SYNRG: variants seen among roughly 807,000 people sequenced by gnomAD.
SYNRG encodes AP1 gamma subunit binding protein 1.
A neutral mutation model predicts 130.9 loss-of-function variants in SYNRG; 37 were observed. The observed-to-expected ratio is 0.28, with a 90% CI of 0.22 to 0.37. The LOEUF (loss-of-function observed/expected upper bound fraction) is 0.37, where lower values mean the gene tolerates loss of function less well. Ranked by LOEUF, SYNRG falls within the 10% of genes least tolerant of loss-of-function variation. The pLI is 1.00. For synonymous variants in SYNRG, 539 were observed against 568.1 expected (o/e 0.95, Z 0.73); for missense variants, 1,338 against 1,588.9 (o/e 0.84, Z 2.68).
chr17:37,607,955 CAAAAAAAAA>C (rs67822733), intron 1 of SYNRG, among the ~76,000 whole-genome samples: 20 of 51,128 alleles, frequency 3.9e-4, no homozygotes, highest in Non-Finnish European at 8.3e-4. Flanking sequence ...GACTTCCTCT[CAAAAAAAAA>C]AAAAAAAAAA....
intron 19 of SYNRG, among the ~76,000 whole-genome samples, chr17:37,529,359 C>G (rs2056342281): frequency 6.6e-6 from 1 of 151,980 alleles, no homozygotes. Context: ...AACAATCACA[C>G]CAGGGATTAT....
rs61748720 is a variant in SYNRG, at chr17:37,519,041, G to A, written c.3844C>T (p.Leu1282=). ...AFNSETDSFK[L]AYGGHQYHAS... is the part of the protein sequence containing the mutation. ...TGATACTGGTGCCCTCCATAGGCCA[G>A]CTTGAAACTGTCTGTTTCTGAGTTG... Residue 1282 remains leucine (L), a synonymous_variant, in exon 22 of 22, where the codon CTG becomes TTG. Transcript: ENST00000612223. 4.1e-4 allele frequency: 663 copies of A among 1,614,170 alleles called. 6 individuals carry two copies. The African/African-American group carries it at 8.0e-3, about 19-fold the overall frequency.
intron 19 of SYNRG, chr17:37,529,909 G>A: frequency 2.7e-6 from 4 of 1,482,070 alleles, no homozygotes; most frequent in South Asian, 1.2e-5. Context: ...TAGTTTTCAA[G>A]TGTTAACTGC....
intron 8 of SYNRG, among the ~76,000 whole-genome samples, chr17:37,575,647 C>A (rs2060768601): frequency 6.6e-6 from 1 of 151,614 alleles, no homozygotes; most frequent in African/African-American, 2.4e-5. Flanking sequence ...TTGAGACCAG[C>A]CTGAGCAACA....
intron 2 of SYNRG, among the ~76,000 whole-genome samples, chr17:37,597,818 G>T (rs1477733711): frequency 6.6e-6 from 1 of 152,192 alleles, no homozygotes; most frequent in Non-Finnish European, 1.5e-5. Context: ...TCCCTACATA[G>T]TCTGAGCACA....
rs902202770 is a variant in SYNRG, at chr17:37,554,421, G to A, written c.1664-362C>T. Among the ~76,000 whole-genome samples, 4 of 152,052 alleles carry A rather than the reference G, an allele frequency of 2.6e-5. No homozygotes were observed. The East Asian group carries it at 7.7e-4, about 29-fold the overall frequency. On this transcript the variant is annotated intron_variant, in intron 13 of 21. Coordinates refer to ENST00000612223, the MANE Select transcript of SYNRG (RefSeq NM_007247.6). Reference sequence around the variant, plus strand: ...AGCAGACAATACAATAAGAAATAGGGCTAGAGGTTCTTGAAGAGAGGCATA... The same window carrying A: ...AGCAGACAATACAATAAGAAATAGGACTAGAGGTTCTTGAAGAGAGGCATA...
rs1025851324 is a variant in SYNRG, at chr17:37,518,811, T to C, written c.*129A>G. 1.2e-5 allele frequency: 17 copies of C among 1,385,784 alleles called. No individual in the cohort carries two copies. Among genetic ancestry groups the C allele is most frequent in the African/African-American group, 2.9e-5 (2 of 69,202 alleles). The allele number at this position is 1,385,784 out of a possible 1,614,324, so 85.8% of individuals were successfully genotyped here. Reference sequence around the variant, plus strand: ...GGCCGTGGGGATGACGGGGGCCCCGTCCCTTGCGGTGTTCTTCATATCGAT... The same window carrying C: ...GGCCGTGGGGATGACGGGGGCCCCGCCCCTTGCGGTGTTCTTCATATCGAT... On this transcript the variant is annotated 3_prime_UTR_variant, in exon 22 of 22. Transcript: ENST00000612223.
intron 1 of SYNRG, among the ~76,000 whole-genome samples, chr17:37,607,511 G>A (rs1038619689): frequency 6.6e-6 from 1 of 152,118 alleles, no homozygotes; most frequent in African/African-American, 2.4e-5. Context: ...AGAGGATGCC[G>A]GGCGTGGTGA....
In SYNRG at chr17:37,528,362, T is replaced by C. The variant is rs185018254; in HGVS notation, c.3666+7617A>G. Among the ~76,000 whole-genome samples, 255 of 152,274 alleles carry C rather than the reference T, an allele frequency of 1.7e-3. 1 individual carries two copies. The highest frequency in any genetic ancestry group is 5.9e-3 in the African/African-American group (246 of 41,550). ...TATAAGGACTCATCATGTGATTACA[T>C]GGGGTTACCAGGATTAAATTAGAAT... On this transcript the variant is annotated intron_variant, in intron 19 of 21. Coordinates refer to ENST00000612223, the MANE Select transcript of SYNRG (RefSeq NM_007247.6).
intron 6 of SYNRG, among the ~76,000 whole-genome samples, chr17:37,580,950 A>G (rs112890209): frequency 1.3e-5 from 2 of 152,234 alleles, no homozygotes; most frequent in African/African-American, 4.8e-5. Context: ...GATTACAGGC[A>G]TGAGCCACCA....
intron 11 of SYNRG, 136 bp downstream of exon 11, chr17:37,568,655 T>G: frequency 1.1e-6 from 1 of 941,048 alleles, no homozygotes; most frequent in Non-Finnish European, 1.5e-6. Context: ...AAAGTATTAA[T>G]ACAGAGGGAA....
chr17:37,585,706 A>C (rs182757964), intron 4 of SYNRG, among the ~76,000 whole-genome samples: 68 of 152,330 alleles, frequency 4.5e-4, no homozygotes, highest in African/African-American at 1.6e-3. Context: ...TGCATATAAA[A>C]GTATTCTCGA....
chr17:37,527,633 TATA>T (rs1163386871), intron 19 of SYNRG, among the ~76,000 whole-genome samples: 4 of 152,184 alleles, frequency 2.6e-5, no homozygotes, highest in Non-Finnish European at 4.4e-5. Flanking sequence ...ATCCAATACA[TATA>T]ATAACTATTT....
At chr17:37,576,059 T>C (rs1235021717) in intron 8 of SYNRG, among the ~76,000 whole-genome samples, 1 of 152,144 alleles carries the variant, frequency 6.6e-6, no homozygotes, top group Non-Finnish European at 1.5e-5. Context: ...ATAATGTCCA[T>C]TAAAGCATAA....
At position 37,609,370 on chromosome 17, in the gene SYNRG, G is replaced by A; in HGVS notation, c.-15C>T. On this transcript the variant is annotated 5_prime_UTR_variant, in exon 1 of 22. Transcript: ENST00000612223. ...CGCAGCGCCATCTTGCTCCCGACCT[G>A]CCGCTGCCTTCGCCGCCGCCACCTT... 1 of 1,416,464 alleles carries A rather than the reference G, an allele frequency of 7.1e-7. No individual in the cohort carries two copies. Among genetic ancestry groups the A allele is most frequent in the Non-Finnish European group, 9.2e-7 (1 of 1,089,942 alleles). The allele number at this position is 1,416,464 out of a possible 1,614,324, so 87.7% of individuals were successfully genotyped here.
rs755885764 is a variant in SYNRG, at chr17:37,538,419, A to G, written c.3422T>C (p.Val1141Ala). 15 of 1,597,628 alleles carry G rather than the reference A, an allele frequency of 9.4e-6. No homozygotes were observed. The highest frequency in any genetic ancestry group is 9.4e-6 in the Non-Finnish European group (11 of 1,172,598). The change falls in exon 18 of 22, where the codon GTC becomes GCC. Residue 1141 changes from valine (V) to alanine (A), a missense_variant and splice_region_variant. By Grantham distance (64) the Val-to-Ala change is moderately conservative (BLOSUM62 0). This residue lies in a region of SYNRG where 1,146 missense variants were observed against 1,342.3 expected (regional missense o/e 0.85). Coordinates refer to ENST00000612223, the MANE Select transcript of SYNRG (RefSeq NM_007247.6). ...TAAGGTATCATTTGCCTTCTTAATG[A>G]CCTACAAGAAATGAAATCACATCAC... ...WQRCLGSALN[V>A]IKKANDTLNG... is the part of the protein sequence containing the mutation.
At chr17:37,570,117 G>A (rs1397481745) in intron 10 of SYNRG, among the ~76,000 whole-genome samples, 3 of 148,070 alleles carry the variant, frequency 2.0e-5, no homozygotes, top group Non-Finnish European at 3.0e-5. Context: ...GTGACTACTA[G>A]GATAGAAGAT....
rs1042024858 is a variant in SYNRG, at chr17:37,518,882, C to G, written c.*58G>C. On this transcript the variant is annotated 3_prime_UTR_variant, in exon 22 of 22. Coordinates refer to ENST00000612223, the MANE Select transcript of SYNRG (RefSeq NM_007247.6). ...GTGCTCGCATTCTATTTATTGGTCC[C>G]TGTCACCCCGTGGGGTGTCACAGAA... The G allele has an allele frequency of 2.8e-5, 45 of 1,590,498 alleles. No homozygotes were observed. In the Admixed American group the frequency reaches 3.1e-4, roughly 11 times the overall value.
rs2058905753 is a variant in SYNRG, at chr17:37,553,972, G to A, written c.1751C>T (p.Pro584Leu). The A allele has an allele frequency of 2.5e-6, 4 of 1,610,252 alleles. No individual in the cohort carries two copies. The highest frequency in any genetic ancestry group is 2.7e-5 in the African/African-American group (2 of 74,530). ...TGGAAAAGTTTTGTCTTTTGTTGGTGGCTCTAGTGGTGATACACTATCGGC... is the reference window on the plus strand; with the variant it reads ...TGGAAAAGTTTTGTCTTTTGTTGGTAGCTCTAGTGGTGATACACTATCGGC... The part of the protein sequence containing the change: ...KTADSVSPLE[P>L]PTKDKTFPPS... The change falls in exon 14 of 22, where the codon CCA (proline) becomes CTA (leucine). Residue 584 changes from proline to leucine, a missense_variant. Physicochemically the swap from Pro to Leu is moderately conservative, Grantham distance 98. Around this residue, in one of 3 missense-constraint regions of SYNRG, gnomAD observed 1,146 missense variants for 1,342.3 expected, o/e 0.85. Transcript: ENST00000612223.
Sources: gnomAD v4.1 joint callset for allele counts (sites outside exome capture counted in the v4.1 genomes callset) on GRCh38, gnomAD v4.1.1 for gene constraint, gnomAD v4.1.1 regional missense constraint, MANE v1.5 for transcripts, NCBI Gene and HGNC (gene_info 2026-07-23, HGNC 2026-07-21) for gene names.